The following WDR87 variants were observed in gnomAD, a reference collection of about 807,000 sequenced individuals.
WDR87 encodes WD repeat-containing protein 87.
Under a neutral mutation model 83.3 loss-of-function variants are expected in WDR87, and 56 were observed. The observed-to-expected ratio is 0.67, with a 90% CI of 0.54 to 0.84. WDR87 has a LOEUF of 0.84. Among genes scored for constraint, WDR87 ranks in the 40% least tolerant of loss-of-function variants. WDR87 has a pLI of 0.00. For synonymous variants in WDR87, 1,173 were observed against 1,250.6 expected, an observed-to-expected ratio of 0.94 and a Z score of 1.31; for missense variants, 2,939 against 3,431.9, an observed-to-expected ratio of 0.86 and a Z score of 3.59.
intron 1 of WDR87, among the ~76,000 whole-genome samples, chr19:37,904,419 C>T (rs1369914219): frequency 4.7e-5 from 7 of 149,310 alleles, no homozygotes; most frequent in Admixed American, 4.0e-4. Flanking sequence ...AGTGCAGTGG[C>T]GCGATCTTGG....
At chr19:37,903,535 A>G (rs1473241721) in intron 1 of WDR87, among the ~76,000 whole-genome samples, 2 of 152,050 alleles carry the variant, frequency 1.3e-5, no homozygotes. Flanking sequence ...ATATCTTTTA[A>G]TTCTTATTTA....
At position 37,894,817 on chromosome 19, in the gene WDR87, G is replaced by A. The variant is rs531469861; in HGVS notation, c.886C>T (p.His296Tyr). The A allele has an allele frequency of 7.6e-5, 118 of 1,551,702 alleles. No homozygotes were observed. The South Asian group carries it at 1.3e-3, about 17-fold the overall frequency. Residue 296 changes from histidine (H) to tyrosine (Y), a missense_variant, in exon 4 of 6, where the codon CAC becomes TAC. His to Tyr is a moderately conservative substitution (Grantham distance 83). Coordinates refer to ENST00000447313, the MANE Select transcript of WDR87 (RefSeq NM_001291088.2). ...VICIRSRPEA[H>Y]TLLTAGSDSL... ...TCACTACCAGCTGTTAGCAGGGTGT[G>A]GGCCTCTGGTCGGCTGCGGATACAG...
In WDR87 at chr19:37,887,013, C is replaced by T. The variant is rs1203669067; in HGVS notation, c.6658G>A (p.Glu2220Lys). 2 of 1,552,094 alleles carry T rather than the reference C, an allele frequency of 1.3e-6. No individual in the cohort carries two copies. The highest frequency in any genetic ancestry group is 8.7e-7 in the Non-Finnish European group (1 of 1,147,102). Reference sequence around the variant, plus strand: ...ACCTCTTCTTCTTCTATTCCTCCTTCCTCTTCATCATCCAGTATGACTTCT... The same window carrying T: ...ACCTCTTCTTCTTCTATTCCTCCTTTCTCTTCATCATCCAGTATGACTTCT... ...HSEVILDDEE[E>K]GGIEEEEVIP... is the part of the protein sequence containing the mutation. The change falls in exon 6 of 6, where the codon GAA (glutamate) becomes AAA (lysine). Residue 2220 changes from glutamate to lysine, a missense_variant. By Grantham distance (56) the Glu-to-Lys change is moderately conservative (BLOSUM62 1). Coordinates refer to ENST00000447313, the MANE Select transcript of WDR87 (RefSeq NM_001291088.2).
Position 37,894,921 on chromosome 19 carries a change from T to C in WDR87, c.782A>G (p.Gln261Arg). The C allele has an allele frequency of 6.4e-7, 1 of 1,551,736 alleles. No homozygotes were observed. The highest frequency in any genetic ancestry group is 8.7e-7 in the Non-Finnish European group (1 of 1,147,002). Residue 261 changes from glutamine (Q) to arginine (R), a missense_variant, in exon 4 of 6, where the codon CAA becomes CGA. Around this residue, in one of 3 missense-constraint regions of WDR87, gnomAD observed 553 missense variants for 577.9 expected, o/e 0.96. Coordinates refer to ENST00000447313, the MANE Select transcript of WDR87 (RefSeq NM_001291088.2). ...FDQGFLYAGN[Q>R]AGEIQVWSLQ... ...GCTCCAAACTTGGATTTCCCCAGCT[T>C]GGTTTCCAGCATAGAGAAAGCCCTG... is the stretch of plus-strand genomic sequence containing the variant.
At position 37,890,241 on chromosome 19, in the gene WDR87, C is replaced by T. The variant is rs916295457; in HGVS notation, c.3430G>A (p.Glu1144Lys). 6.5e-7 allele frequency: 1 copy of T among 1,541,862 alleles called. No individual in the cohort carries two copies. The highest frequency in any genetic ancestry group is 2.0e-5 in the Admixed American group (1 of 49,666). ...KWLRGLKKTK[E>K]RDSKQMSTEP... ...GTGCTCATCTGTTTAGAGTCTCTCTCTTTCGTCTTCTTGAGACCCCGCAAC... is the reference window on the plus strand; with the variant it reads ...GTGCTCATCTGTTTAGAGTCTCTCTTTTTCGTCTTCTTGAGACCCCGCAAC... Residue 1144 changes from glutamate to lysine, a missense_variant, in exon 6 of 6, where the codon GAG (glutamate) becomes AAG (lysine). This residue lies in a region of WDR87 where 2,160 missense variants were observed against 2,533.1 expected (regional missense o/e 0.85). Transcript: ENST00000447313.
intron 1 of WDR87, among the ~76,000 whole-genome samples, chr19:37,904,975 G>T (rs997047527): frequency 6.6e-6 from 1 of 151,958 alleles, no homozygotes; most frequent in Non-Finnish European, 1.5e-5. Flanking sequence ...GGTGGCTCAC[G>T]CCTGTAATCC....
intron 5 of WDR87, 131 bp downstream of exon 5, chr19:37,891,421 C>T (rs1599762652): frequency 1.6e-6 from 2 of 1,214,966 alleles, no homozygotes; most frequent in Non-Finnish European, 2.3e-6. Context: ...ACCTCAGCGT[C>T]CCAGTGCTGG....
chr19:37,893,989 C>T lies in WDR87; in HGVS notation c.1714G>A (p.Ala572Thr). The T allele has an allele frequency of 6.4e-7, 1 of 1,551,818 alleles. No individual in the cohort carries two copies. The highest frequency in any genetic ancestry group is 1.4e-5 in the African/African-American group (1 of 73,150). ...HLILLPKSVG[A>T]ITETNCLRLW... The stretch of plus-strand genomic sequence containing the variant: ...CGCAGGCAGTTTGTCTCTGTGATGG[C>T]ACCCACAGACTTGGGCAAGAGTATC... The change falls in exon 4 of 6, where the codon GCC becomes ACC. Residue 572 changes from alanine (A) to threonine (T), a missense_variant. Physicochemically the swap from Ala to Thr is moderately conservative, Grantham distance 58. Transcript: ENST00000447313.
Position 37,887,067 on chromosome 19 carries a change from C to T in WDR87, c.6604G>A (p.Glu2202Lys), listed in dbSNP as rs1459119161. The change falls in exon 6 of 6, where the codon GAA (glutamate) becomes AAA (lysine). Residue 2202 changes from glutamate (E) to lysine (K), a missense_variant. By Grantham distance (56) the Glu-to-Lys change is moderately conservative (BLOSUM62 1). Coordinates refer to ENST00000447313, the MANE Select transcript of WDR87 (RefSeq NM_001291088.2). Reference sequence around the variant, plus strand: ...TGCTTTCTGGCCAATTTGCTCTCTTCCTCAGTCATTTTTTCTTCTTTGTTT... The same window carrying T: ...TGCTTTCTGGCCAATTTGCTCTCTTTCTCAGTCATTTTTTCTTCTTTGTTT... Reference protein sequence around the residue: ...MINKEEKMTEEESKLARKHSE... With the variant: ...MINKEEKMTEKESKLARKHSE... 1.9e-6 allele frequency: 3 copies of T among 1,550,826 alleles called. No individual in the cohort carries two copies. Among genetic ancestry groups the T allele is most frequent in the South Asian group, 1.2e-5 (1 of 83,718 alleles).
Position 37,890,188 on chromosome 19 carries a change from A to G in WDR87, c.3483T>C (p.Ser1161=). 1 of 1,551,760 alleles carries G rather than the reference A, an allele frequency of 6.4e-7. No individual in the cohort carries two copies. Among genetic ancestry groups the G allele is most frequent in the Admixed American group, 2.0e-5 (1 of 50,990 alleles). ...STEPGLLEDE[S]GTEAAPIEME... is the part of the protein sequence containing the mutation. ...TCTCAATTGGTGCGGCCTCAGTCCCACTTTCATCCTCTAAGAGGCCTGGCT... is the reference window on the plus strand; with the variant it reads ...TCTCAATTGGTGCGGCCTCAGTCCCGCTTTCATCCTCTAAGAGGCCTGGCT... Residue 1161 remains serine, a synonymous_variant, in exon 6 of 6, where the codon AGT becomes AGC. Transcript: ENST00000447313.
At chr19:37,904,910 A>G (rs2046314249) in intron 1 of WDR87, among the ~76,000 whole-genome samples, 1 of 152,112 alleles carries the variant, frequency 6.6e-6, no homozygotes, top group African/African-American at 2.4e-5. Flanking sequence ...GCCTCATAAC[A>G]TTTTAATTTT....
At chr19:37,903,016 A>T (rs2046302435) in intron 1 of WDR87, among the ~76,000 whole-genome samples, 1 of 152,238 alleles carries the variant, frequency 6.6e-6, no homozygotes, top group South Asian at 2.1e-4. Context: ...ATTAAATTGC[A>T]AATTAAATTC....
intron 5 of WDR87, 50 bp downstream of exon 5, chr19:37,891,502 C>T: frequency 6.5e-7 from 1 of 1,540,706 alleles, no homozygotes; most frequent in Non-Finnish European, 8.8e-7. Context: ...ACCCTAACTA[C>T]CCTGCCTCTT....
At position 37,887,731 on chromosome 19, in the gene WDR87, C is replaced by T; in HGVS notation, c.5940G>A (p.Lys1980=). The T allele has an allele frequency of 6.4e-7, 1 of 1,552,258 alleles. No homozygotes were observed. The highest frequency in any genetic ancestry group is 8.7e-7 in the Non-Finnish European group (1 of 1,147,148). Residue 1980 remains lysine, a synonymous_variant, in exon 6 of 6, where the codon AAG becomes AAA. Coordinates refer to ENST00000447313, the MANE Select transcript of WDR87 (RefSeq NM_001291088.2). ...AQEKMKLALE[K]AMVQGKKRLR... ...GCCGTTTCTTTCCTTGGACCATTGCCTTCTCCAGAGCTAATTTCATTTTTT... is the reference window on the plus strand; with the variant it reads ...GCCGTTTCTTTCCTTGGACCATTGCTTTCTCCAGAGCTAATTTCATTTTTT...
Position 37,885,664 on chromosome 19 carries a change from C to A in WDR87, c.8007G>T (p.Arg2669Ser), listed in dbSNP as rs2046137564. 2 of 1,551,796 alleles carry A rather than the reference C, an allele frequency of 1.3e-6. No homozygotes were observed. The highest frequency in any genetic ancestry group is 4.9e-5 in the East Asian group (2 of 40,918). ...PTQKSPLATKRIPDPRAKNWH... is the reference protein window; with the variant it reads ...PTQKSPLATKSIPDPRAKNWH... ...AATTTTTAGCCCTTGGGTCTGGAAT[C>A]CTCTTGGTAGCTAATGGGGACTTTT... is the stretch of plus-strand genomic sequence containing the variant. The change falls in exon 6 of 6, where the codon AGG becomes AGT. Residue 2669 changes from arginine (R) to serine (S), a missense_variant. Physicochemically the swap from Arg to Ser is moderately radical, Grantham distance 110. Around this residue, in one of 3 missense-constraint regions of WDR87, gnomAD observed 2,160 missense variants for 2,533.1 expected, o/e 0.85. Coordinates refer to ENST00000447313, the MANE Select transcript of WDR87 (RefSeq NM_001291088.2).
chr19:37,899,622 T>C (rs1478629124), intron 1 of WDR87, among the ~76,000 whole-genome samples: 1 of 151,786 alleles, frequency 6.6e-6, no homozygotes, highest in Admixed American at 6.6e-5. Context: ...TTCTTTGTTT[T>C]GTTTTTGTAG....
chr19:37,889,441 C>T lies in WDR87; in HGVS notation c.4230G>A (p.Lys1410=). The change falls in exon 6 of 6, where the codon AAG becomes AAA. Residue 1410 remains lysine, a synonymous_variant. Coordinates refer to ENST00000447313, the MANE Select transcript of WDR87 (RefSeq NM_001291088.2). The part of the protein sequence containing the change: ...EETQVILKKG[K]KVIFLEPGNV... ...TACCTGGTTCTAAAAAAATAACTTT[C>T]TTGCCCTTTTTCAAAATCACTTGGG... 6.4e-7 allele frequency: 1 copy of T among 1,551,828 alleles called. No individual in the cohort carries two copies. The highest frequency in any genetic ancestry group is 1.2e-5 in the South Asian group (1 of 84,052).
chr19:37,888,241 G>T lies in WDR87; in HGVS notation c.5430C>A (p.Ala1810=). 6.4e-7 allele frequency: 1 copy of T among 1,551,888 alleles called. No homozygotes were observed. The highest frequency in any genetic ancestry group is 8.7e-7 in the Non-Finnish European group (1 of 1,147,056). ...CCTGGATCAGCAACTCTTCTTCCTG[G>T]GCCAGTTTTGTCTCTTCTTCAGACA... ...EKLSEEETKL[A]QEEELLIQEK... The change falls in exon 6 of 6, where the codon GCC becomes GCA. Residue 1810 remains alanine (A), a synonymous_variant. Transcript: ENST00000447313.
At chr19:37,903,332 G>A (rs369267551) in intron 1 of WDR87, among the ~76,000 whole-genome samples, 1 of 152,174 alleles carries the variant, frequency 6.6e-6, no homozygotes, top group African/African-American at 2.4e-5. Flanking sequence ...GCCTTCAGGT[G>A]GCTGCATAGC....
Sources: gnomAD v4.1 joint callset for allele counts (sites outside exome capture counted in the v4.1 genomes callset) on GRCh38, gnomAD v4.1.1 for gene constraint, gnomAD v4.1.1 regional missense constraint, MANE v1.5 for transcripts, NCBI Gene and HGNC (gene_info 2026-07-23, HGNC 2026-07-21) for gene names.